The following SLC5A8 variants were observed in gnomAD, a reference collection of about 807,000 sequenced individuals.
SLC5A8 encodes the protein solute carrier family 5 member 8, also known as sodium-coupled monocarboxylate transporter 1.
SLC5A8 carries 55 observed loss-of-function variants against 71.9 expected under a neutral mutation model. The ratio of observed to expected loss-of-function variants is 0.77; its 90% confidence interval spans 0.62 to 0.96. The LOEUF is 0.96. Ranked by LOEUF, SLC5A8 falls within the 40% of genes least tolerant of loss-of-function variation. The probability of loss-of-function intolerance (pLI) is 0.00; values close to 1 mark genes in which losing one functional copy is unlikely to be tolerated. For missense variants in SLC5A8, 701 were observed against 745.3 expected (o/e 0.94, Z 0.69); for synonymous variants, 307 against 276.1 (o/e 1.11, Z -1.11).
At position 101,166,377 on chromosome 12, in the gene SLC5A8, A is replaced by G. The variant is rs183552601; in HGVS notation, c.1526+117T>C. 115 of 760,850 alleles carry G rather than the reference A, an allele frequency of 1.5e-4. No homozygotes were observed. In the East Asian group the frequency reaches 3.1e-3, roughly 21 times the overall value. The allele number at this position is 760,850 out of a possible 1,614,324, so 47.1% of individuals were successfully genotyped here. A position where few individuals can be genotyped will look rare whatever the true frequency, so the allele number is the denominator to read the frequency against. On this transcript the variant is annotated intron_variant, in intron 12 of 14. Transcript: ENST00000536262. ...TACTATAGCTAACCACATGGGTTTT[A>G]CTCATTTCAGAATTAGGCAAAATCA...
At position 101,204,280 on chromosome 12, in the gene SLC5A8, A is replaced by T. The variant is rs186874707; in HGVS notation, c.417+220T>A. Among the ~76,000 whole-genome samples the T allele has an allele frequency of 2.4e-3, 359 of 152,358 alleles. 4 individuals are homozygous for T. Among genetic ancestry groups the T allele is most frequent in the African/African-American group, 8.0e-3 (333 of 41,592 alleles). On this transcript the variant is annotated intron_variant, in intron 2 of 14. Transcript: ENST00000536262. Reference sequence around the variant, plus strand: ...TTGCTTTATCAGTATAATATTTAACATTCACTTAAATCCCAGGAAGTAAAG... The same window carrying T: ...TTGCTTTATCAGTATAATATTTAACTTTCACTTAAATCCCAGGAAGTAAAG...
intron 9 of SLC5A8, among the ~76,000 whole-genome samples, chr12:101,182,531 AG>A (rs1868412491): frequency 6.6e-6 from 1 of 152,246 alleles, no homozygotes; most frequent in Non-Finnish European, 1.5e-5. Context: ...ACAGGAAAAA[AG>A]GACAGCTAAA....
Position 101,157,187 on chromosome 12 carries a change from C to A in SLC5A8, c.*92G>T. 2 of 1,438,422 alleles carry A rather than the reference C, an allele frequency of 1.4e-6. No homozygotes were observed. The highest frequency in any genetic ancestry group is 1.9e-6 in the Non-Finnish European group (2 of 1,058,672). The allele number at this position is 1,438,422 out of a possible 1,614,324, so 89.1% of individuals were successfully genotyped here. A position where few individuals can be genotyped will look rare whatever the true frequency, so the allele number is the denominator to read the frequency against. On this transcript the variant is annotated 3_prime_UTR_variant, in exon 15 of 15. Coordinates refer to ENST00000536262, the MANE Select transcript of SLC5A8 (RefSeq NM_145913.5). The stretch of plus-strand genomic sequence containing the variant: ...TCCCCCAAACACTCATGATACAACA[C>A]ACACACACACACAAAGAAAACCTGA...
At chr12:101,189,874 G>T (rs75264881) in intron 6 of SLC5A8, among the ~76,000 whole-genome samples, 1 of 152,134 alleles carries the variant, frequency 6.6e-6, no homozygotes, top group Non-Finnish European at 1.5e-5. Context: ...TTTACCATGC[G>T]TATGCCAAAC....
intron 3 of SLC5A8, among the ~76,000 whole-genome samples, chr12:101,195,478 G>A (rs929046678): frequency 1.3e-5 from 2 of 152,020 alleles, no homozygotes; most frequent in Non-Finnish European, 2.9e-5. Flanking sequence ...TCTCTCTCCC[G>A]ATTAGACGCG....
chr12:101,188,174 C>T (rs1444026191), intron 6 of SLC5A8, among the ~76,000 whole-genome samples: 3 of 152,190 alleles, frequency 2.0e-5, no homozygotes, highest in South Asian at 4.1e-4. Context: ...TCAGTTTCTT[C>T]ACTGAAGTGT....
chr12:101,162,163 CA>C, intron 12 of SLC5A8, 86 bp from the exon 13 acceptor site: 2 of 789,618 alleles, frequency 2.5e-6, no homozygotes, highest in African/African-American at 1.7e-5. Flanking sequence ...ATGGCAAGGT[CA>C]AAATATAACA....
At chr12:101,202,079 T>A in intron 3 of SLC5A8, 85 bp downstream of exon 3, 1 of 1,309,100 alleles carries the variant, frequency 7.6e-7, no homozygotes, top group Non-Finnish European at 1.1e-6. Flanking sequence ...TTCCTCCATC[T>A]CCCCATCTCC....
intron 8 of SLC5A8, among the ~76,000 whole-genome samples, chr12:101,183,630 C>G (rs979501413): frequency 1.3e-5 from 2 of 152,072 alleles, no homozygotes; most frequent in Non-Finnish European, 2.9e-5. Context: ...TTTCCTGAAT[C>G]CCCACTAACA....
intron 5 of SLC5A8, among the ~76,000 whole-genome samples, chr12:101,191,312 T>C (rs1447349191): frequency 6.6e-6 from 1 of 152,230 alleles, no homozygotes; most frequent in Non-Finnish European, 1.5e-5. Flanking sequence ...GGAATGATTT[T>C]GTTCATCTCT....
intron 14 of SLC5A8, among the ~76,000 whole-genome samples, chr12:101,157,764 T>C (rs1178484884): frequency 6.6e-6 from 1 of 151,688 alleles, no homozygotes; most frequent in African/African-American, 2.4e-5. Flanking sequence ...TAGAGAGAGA[T>C]ACAATAGATA....
At chr12:101,171,003 C>G (rs903625498) in intron 10 of SLC5A8, among the ~76,000 whole-genome samples, 2 of 152,182 alleles carry the variant, frequency 1.3e-5, no homozygotes, top group Non-Finnish European at 2.9e-5. Flanking sequence ...TGGCAGTGCT[C>G]TTACCAGAAG....
chr12:101,193,765 T>A lies in SLC5A8; in HGVS notation c.552A>T (p.Ala184=), dbSNP rs769439967. 6.2e-6 allele frequency: 10 copies of A among 1,614,070 alleles called. No homozygotes were observed. The East Asian group carries it at 2.2e-4, about 36-fold the overall frequency. Residue 184 remains alanine (A), a synonymous_variant, in exon 5 of 15, where the codon GCA becomes GCT. Coordinates refer to ENST00000536262, the MANE Select transcript of SLC5A8 (RefSeq NM_145913.5). Reference sequence around the variant, plus strand: ...CTTGAAAAACATCTGTCCAGATAACTGCTTTAAGACCACCCTTTGAGGGGA... The same window carrying A: ...CTTGAAAAACATCTGTCCAGATAACAGCTTTAAGACCACCCTTTGAGGGGA... The part of the protein sequence containing the change: ...TFYCTLGGLK[A]VIWTDVFQVG...
chr12:101,193,794 T>C lies in SLC5A8; in HGVS notation c.538-15A>G, dbSNP rs757447174. 1 of 1,612,806 alleles carries C rather than the reference T, an allele frequency of 6.2e-7. No homozygotes were observed. The highest frequency in any genetic ancestry group is 8.5e-7 in the Non-Finnish European group (1 of 1,179,456). Reference sequence around the variant, plus strand: ...TTAAGACCACCCTTTGAGGGGAAAGTATATTAGGATTAATGCTTCTATTAG... The same window carrying C: ...TTAAGACCACCCTTTGAGGGGAAAGCATATTAGGATTAATGCTTCTATTAG... On this transcript the variant is annotated splice_polypyrimidine_tract_variant and intron_variant, in intron 4 of 14. Transcript: ENST00000536262.
intron 10 of SLC5A8, among the ~76,000 whole-genome samples, chr12:101,169,934 G>A (rs1435760836): frequency 6.6e-6 from 1 of 152,172 alleles, no homozygotes; most frequent in Non-Finnish European, 1.5e-5. Context: ...GAAAGTACAA[G>A]GTGCTTCTAG....
intron 13 of SLC5A8, 120 bp from the exon 14 acceptor site, chr12:101,158,448 CAA>C: frequency 1.5e-6 from 1 of 653,316 alleles, no homozygotes; most frequent in South Asian, 2.0e-5. Context: ...TCAAAAAACA[CAA>C]AGAGAAAGGG....
chr12:101,181,988 G>C (rs1041344909), intron 9 of SLC5A8, among the ~76,000 whole-genome samples: 4 of 152,106 alleles, frequency 2.6e-5, no homozygotes, highest in Non-Finnish European at 5.9e-5. Flanking sequence ...ATTCTTTCTC[G>C]AAAAGGAATT....
Position 101,182,479 on chromosome 12 carries a change from G to A in SLC5A8, c.1165+324C>T, listed in dbSNP as rs562043554. Among the ~76,000 whole-genome samples, 3 of 152,272 alleles carry A rather than the reference G, an allele frequency of 2.0e-5. No homozygotes were observed. In the South Asian group the frequency reaches 6.2e-4, roughly 32 times the overall value. On this transcript the variant is annotated intron_variant, in intron 9 of 14. Transcript: ENST00000536262. The stretch of plus-strand genomic sequence containing the variant: ...GAAAATAGTTGAATTTTTTGTGTGT[G>A]TGGCTAAGAATTTTAACACAAATTT...
At chr12:101,193,334 A>T (rs1283045472) in intron 5 of SLC5A8, among the ~76,000 whole-genome samples, 2 of 151,850 alleles carry the variant, frequency 1.3e-5, no homozygotes, top group African/African-American at 2.4e-5. Flanking sequence ...CCACTTTTCA[A>T]CCTATTCTGG....
Sources: allele counts gnomAD v4.1 joint callset (sites outside exome capture counted in the v4.1 genomes callset), GRCh38; gene constraint gnomAD v4.1.1; transcripts MANE v1.5; gene names NCBI Gene and HGNC (gene_info 2026-07-23, HGNC 2026-07-21).